The following GGNBP2 variants were observed in gnomAD, a reference collection of about 807,000 sequenced individuals.
GGNBP2 encodes gametogenetin-binding protein 2.
A neutral mutation model predicts 85.9 loss-of-function variants in GGNBP2; 10 were observed. The ratio of observed to expected loss-of-function variants is 0.12; its 90% CI spans 0.07 to 0.20. GGNBP2 has a LOEUF of 0.20. Among genes scored for constraint, GGNBP2 ranks in the 10% least tolerant of loss-of-function variants. The pLI is 1.00. For synonymous variants in GGNBP2, 287 were observed against 285.7 expected, an observed-to-expected ratio of 1.00 and a Z score of -0.05; for missense variants, 595 against 857.8, an observed-to-expected ratio of 0.69 and a Z score of 3.83.
At chr17:36,551,263 A>G (rs1055772816) in intron 2 of GGNBP2, among the ~76,000 whole-genome samples, 5 of 151,494 alleles carry the variant, frequency 3.3e-5, no homozygotes, top group South Asian at 2.1e-4. Flanking sequence ...CTGGCGTGCA[A>G]TGGCACGATC....
In GGNBP2 at chr17:36,585,442, TAAAG is replaced by T. The variant is rs2074691749; in HGVS notation, c.1363_1366del (p.Lys455AlafsTer87). The T allele has an allele frequency of 6.3e-7, 1 of 1,589,534 alleles. No individual in the cohort carries two copies. Among genetic ancestry groups the T allele is most frequent in the Non-Finnish European group, 8.6e-7 (1 of 1,167,144 alleles). ...GGCAATCTTTTGGGGTCCCCTAAAA[TAAAG>T]AAAGGTAAGTAAATAATTTCTTTTT... On this transcript the variant is annotated frameshift_variant, in exon 10 of 14. Transcript: ENST00000613102. LOFTEE classifies it high-confidence loss of function.
At chr17:36,553,141 T>C (rs1012556067) in intron 2 of GGNBP2, among the ~76,000 whole-genome samples, 4 of 152,072 alleles carry the variant, frequency 2.6e-5, no homozygotes, top group African/African-American at 9.7e-5. Flanking sequence ...ATAGTATATA[T>C]GCATTGTAAT....
Position 36,589,594 on chromosome 17 carries a change from G to C in GGNBP2, c.*183G>C, listed in dbSNP as rs887502217. 134 of 596,650 alleles carry C rather than the reference G, an allele frequency of 2.2e-4. No individual in the cohort carries two copies. The highest frequency in any genetic ancestry group is 9.3e-5 in the Admixed American group (3 of 32,384). 37.0% of individuals were successfully genotyped at this position (596,650 alleles called of 1,614,324 possible). ...TTCTTTCTTCAGGCTTGTGTCTTTA[G>C]TTGCGTGGCTGCGCAGGCCTGCCAT... On this transcript the variant is annotated 3_prime_UTR_variant, in exon 14 of 14. Transcript: ENST00000613102.
intron 7 of GGNBP2, chr17:36,578,530 A>G (rs747484057): frequency 1.3e-4 from 29 of 218,854 alleles, no homozygotes; most frequent in Non-Finnish European, 2.6e-4. Flanking sequence ...TTTTATTCAC[A>G]ATAATGGTTT....
chr17:36,568,667 G>A (rs2074492245), intron 6 of GGNBP2, among the ~76,000 whole-genome samples: 1 of 152,112 alleles, frequency 6.6e-6, no homozygotes, highest in African/African-American at 2.4e-5. Flanking sequence ...TCATTATCAG[G>A]ACCCCAAAAG....
At chr17:36,581,241 T>C (rs2074646587) in intron 8 of GGNBP2, 103 bp from the exon 9 acceptor site, 4 of 729,666 alleles carry the variant, frequency 5.5e-6, no homozygotes, top group Admixed American at 2.6e-5. Flanking sequence ...GCTGAGATCA[T>C]GCCACTGCAC....
intron 11 of GGNBP2, 35 bp from the exon 12 acceptor site, chr17:36,586,015 A>T: frequency 6.2e-7 from 1 of 1,613,820 alleles, no homozygotes; most frequent in Non-Finnish European, 8.5e-7. Context: ...GGCTGACTTA[A>T]GAACATAAAT....
intron 2 of GGNBP2, among the ~76,000 whole-genome samples, chr17:36,554,035 G>C (rs1420754664): frequency 6.6e-6 from 1 of 152,008 alleles, no homozygotes; most frequent in Admixed American, 6.6e-5. Flanking sequence ...TGCCAGGCAG[G>C]TACTGTTCTG....
chr17:36,561,054 C>T (rs944506604), intron 5 of GGNBP2, among the ~76,000 whole-genome samples, 183 bp downstream of exon 5: 8 of 152,022 alleles, frequency 5.3e-5, no homozygotes, highest in African/African-American at 1.9e-4. Flanking sequence ...TATATAAAGT[C>T]TCAATGTAGA....
rs1422746611 is a variant in GGNBP2, at chr17:36,557,319, A to G, written c.411A>G (p.Thr137=). 3 of 1,613,702 alleles carry G rather than the reference A, an allele frequency of 1.9e-6. No individual in the cohort carries two copies. Among genetic ancestry groups the G allele is most frequent in the Admixed American group, 1.7e-5 (1 of 59,986 alleles). ...SCMTDAKKLY[T]LFYVHGSKLN... ...TGACTGATGCAAAGAAGCTTTATAC[A>G]TTATTTTATGTACATGGGTAAGTAT... The change falls in exon 4 of 14, where the codon ACA becomes ACG. Residue 137 remains threonine, a synonymous_variant. Transcript: ENST00000613102.
At chr17:36,551,438 A>G (rs959626444) in intron 2 of GGNBP2, among the ~76,000 whole-genome samples, 12 of 152,134 alleles carry the variant, frequency 7.9e-5, no homozygotes, top group African/African-American at 2.6e-4. Context: ...TCACGACCTC[A>G]GGTGATCCAC....
chr17:36,545,635 GGCGGCAGCGGCGGCGGCAGAAACAGCA>G lies in GGNBP2; in HGVS notation c.-84_-58del. ...CTGTTGCAGGCAGGAGCTGGGAGGA[GGCGGCAGCGGCGGCGGCAGAAACAGCA>G]GCGGCGGCGGCGGCGGCAGCTGGGA... On this transcript the variant is annotated 5_prime_UTR_variant, in exon 2 of 14. Coordinates refer to ENST00000613102, the MANE Select transcript of GGNBP2 (RefSeq NM_024835.5). 1 of 991,610 alleles carries G rather than the reference GGCGGCAGCGGCGGCGGCAGAAACAGCA, an allele frequency of 1.0e-6. No individual in the cohort carries two copies. Among genetic ancestry groups the G allele is most frequent in the Non-Finnish European group, 1.6e-6 (1 of 643,116 alleles). 61.4% of individuals were successfully genotyped at this position (991,610 alleles called of 1,614,324 possible).
chr17:36,545,556 C>G (rs959537971), intron 1 of GGNBP2, 63 bp from the exon 2 acceptor site: 1 of 586,880 alleles, frequency 1.7e-6, no homozygotes, highest in African/African-American at 1.9e-5. Flanking sequence ...CGCTCCCTGC[C>G]CCCCGTGGCG....
intron 4 of GGNBP2, among the ~76,000 whole-genome samples, chr17:36,559,844 T>G (rs987214134): frequency 3.9e-5 from 6 of 152,122 alleles, no homozygotes; most frequent in Non-Finnish European, 8.8e-5. Flanking sequence ...ATCTTATTTA[T>G]TAATTTTTTT....
At chr17:36,575,939 G>A (rs377484590) in intron 6 of GGNBP2, among the ~76,000 whole-genome samples, 2 of 150,492 alleles carry the variant, frequency 1.3e-5, no homozygotes, top group Non-Finnish European at 3.0e-5. Flanking sequence ...GAGCCACCGC[G>A]CCCAGCCCAT....
chr17:36,552,799 T>C (rs1287368059), intron 2 of GGNBP2, among the ~76,000 whole-genome samples: 2 of 152,172 alleles, frequency 1.3e-5, no homozygotes, highest in Non-Finnish European at 2.9e-5. Context: ...GGCAGGCAGA[T>C]TGCCTGAGCT....
At chr17:36,586,935 T>TTTA in intron 12 of GGNBP2, 62 bp from the exon 13 acceptor site, 2 of 1,215,632 alleles carry the variant, frequency 1.6e-6, no homozygotes, top group East Asian at 5.3e-5. Flanking sequence ...TTTTTTTTTT[T>TTTA]AAAGAATAAT....
chr17:36,545,667 C>T lies in GGNBP2; in HGVS notation c.-58C>T. 9 of 1,336,546 alleles carry T rather than the reference C, an allele frequency of 6.7e-6. No homozygotes were observed. The highest frequency in any genetic ancestry group is 3.8e-5 in the South Asian group (3 of 79,474). 82.8% of individuals were successfully genotyped at this position (1,336,546 alleles called of 1,614,324 possible). ...GCGGCGGCGGCAGAAACAGCAGCGG[C>T]GGCGGCGGCGGCAGCTGGGAGGAGG... On this transcript the variant is annotated 5_prime_UTR_variant, in exon 2 of 14. Coordinates refer to ENST00000613102, the MANE Select transcript of GGNBP2 (RefSeq NM_024835.5).
chr17:36,587,487 G>T lies in GGNBP2; in HGVS notation c.1890+242G>T. ...GTAGAAGACATTATAGGTATTCCTT[G>T]AGTTACAGTGGGGTTACATTCCAAT... On this transcript the variant is annotated intron_variant, in intron 13 of 13. Coordinates refer to ENST00000613102, the MANE Select transcript of GGNBP2 (RefSeq NM_024835.5). The T allele has an allele frequency of 6.2e-6, 3 of 487,436 alleles. No individual in the cohort carries two copies. The South Asian group carries it at 8.4e-5, about 14-fold the overall frequency. The allele number at this position is 487,436 out of a possible 1,614,324, so 30.2% of individuals were successfully genotyped here. A position where few individuals can be genotyped will look rare whatever the true frequency, so the allele number is the denominator to read the frequency against.
Sources: gnomAD v4.1 joint callset for allele counts (sites outside exome capture counted in the v4.1 genomes callset) on GRCh38, gnomAD v4.1.1 for gene constraint, MANE v1.5 for transcripts, NCBI Gene and HGNC (gene_info 2026-07-23, HGNC 2026-07-21) for gene names.